Variants in BRD10 observed in about 807,000 individuals in gnomAD.
BRD10 encodes the protein bromodomain containing 10.
chr9:5,949,683 G>C, the BRD10 span, among the ~76,000 whole-genome samples: 2 of 152,102 alleles, frequency 1.3e-5, no homozygotes, highest in South Asian at 2.1e-4. Context: ...GCAGACTTAG[G>C]GTAACTAAGG....
chr9:5,886,562 C>T, the BRD10 span, among the ~76,000 whole-genome samples: 1 of 152,306 alleles, frequency 6.6e-6, no homozygotes, highest in South Asian at 2.1e-4. Flanking sequence ...GTCACACACA[C>T]TGAAGAGATG....
the BRD10 span, among the ~76,000 whole-genome samples, chr9:5,972,942 C>A: frequency 2.6e-5 from 4 of 151,724 alleles, no homozygotes; most frequent in Non-Finnish European, 4.4e-5. Context: ...AAAATATAGA[C>A]AAAAAGATAT....
the BRD10 span, among the ~76,000 whole-genome samples, chr9:5,927,348 C>G: frequency 6.6e-6 from 1 of 152,160 alleles, no homozygotes; most frequent in Non-Finnish European, 1.5e-5. Flanking sequence ...CCAAATGTCC[C>G]TTCCTTTACC....
At chr9:5,908,870 A>G in the BRD10 span, 3 of 610,712 alleles carry the variant, frequency 4.9e-6, no homozygotes, top group Non-Finnish European at 8.7e-6. Context: ...CGCTAGCAGT[A>G]CTAATCATGT....
the BRD10 span, among the ~76,000 whole-genome samples, chr9:5,918,350 G>A: frequency 1.3e-5 from 2 of 152,152 alleles, no homozygotes; most frequent in Admixed American, 6.5e-5. Context: ...ATGGAAGGAT[G>A]AGTATACAGT....
At chr9:5,987,283 A>G in the BRD10 span, among the ~76,000 whole-genome samples, 1 of 152,076 alleles carries the variant, frequency 6.6e-6, no homozygotes, top group Non-Finnish European at 1.5e-5. Context: ...AGTTCTATTA[A>G]TTGTTCTCAG....
chr9:5,957,089 C>T, the BRD10 span, among the ~76,000 whole-genome samples: 1 of 152,094 alleles, frequency 6.6e-6, no homozygotes, highest in Non-Finnish European at 1.5e-5. Context: ...AGAGTTTCAA[C>T]ATGACCTAGT....
the BRD10 span, chr9:5,922,939 G>C: frequency 6.2e-7 from 1 of 1,613,974 alleles, no homozygotes; most frequent in Non-Finnish European, 8.5e-7. Flanking sequence ...GATTTGTTAA[G>C]GTCACTTTAT....
the BRD10 span, among the ~76,000 whole-genome samples, chr9:5,913,309 C>T: frequency 6.6e-6 from 1 of 152,068 alleles, no homozygotes; most frequent in Non-Finnish European, 1.5e-5. Flanking sequence ...TGCAGACCTT[C>T]TCAAAAAAAG....
the BRD10 span, chr9:5,918,871 A>AT: frequency 6.6e-6 from 1 of 151,440 alleles, no homozygotes; most frequent in South Asian, 2.1e-4. Flanking sequence ...TGAAAGTAGT[A>AT]TTTGTAAGCT....
the BRD10 span, among the ~76,000 whole-genome samples, chr9:5,990,267 A>G: frequency 6.6e-6 from 1 of 152,202 alleles, no homozygotes; most frequent in Non-Finnish European, 1.5e-5. Context: ...TTTTAGTATA[A>G]TATTTTTAGT....
At chr9:5,917,262 G>A in the BRD10 span, among the ~76,000 whole-genome samples, 1 of 152,206 alleles carries the variant, frequency 6.6e-6, no homozygotes, top group Admixed American at 6.5e-5. Flanking sequence ...GGTATGACAA[G>A]GACAGGGAGT....
chr9:5,954,613 G>A, the BRD10 span, among the ~76,000 whole-genome samples: 45 of 151,982 alleles, frequency 3.0e-4, no homozygotes, highest in Admixed American at 2.1e-3. Flanking sequence ...TGCCCTTGGC[G>A]GTATCAATAC....
the BRD10 span, among the ~76,000 whole-genome samples, chr9:5,972,204 GAAGA>G: frequency 1.3e-5 from 2 of 152,058 alleles, no homozygotes; most frequent in Admixed American, 6.6e-5. Flanking sequence ...GGAGGGATAG[GAAGA>G]AAGAATCTGG....
At chr9:5,946,921 T>C in the BRD10 span, among the ~76,000 whole-genome samples, 1 of 152,124 alleles carries the variant, frequency 6.6e-6, no homozygotes, top group Non-Finnish European at 1.5e-5. Context: ...CAGATATTTA[T>C]GTTCCATTTA....
the BRD10 span, among the ~76,000 whole-genome samples, chr9:5,949,685 T>A: frequency 1.3e-5 from 2 of 152,238 alleles, no homozygotes; most frequent in South Asian, 4.1e-4. Flanking sequence ...AGACTTAGGG[T>A]AACTAAGGCT....
At chr9:5,963,582 G>C in the BRD10 span, among the ~76,000 whole-genome samples, 1 of 151,690 alleles carries the variant, frequency 6.6e-6, no homozygotes, top group African/African-American at 2.4e-5. Flanking sequence ...AACCAAAAAA[G>C]AGCCTGCATC....
the BRD10 span, among the ~76,000 whole-genome samples, chr9:5,965,609 T>C: frequency 2.6e-5 from 4 of 152,238 alleles, no homozygotes; most frequent in African/African-American, 9.6e-5. Context: ...CCACTGGGGA[T>C]GACTTAAACA....
At chr9:5,921,417 A>G in the BRD10 span, 1 of 1,613,958 alleles carries the variant, frequency 6.2e-7, no homozygotes, top group Non-Finnish European at 8.5e-7. Context: ...GTTTGTTTTA[A>G]TGATTCTGCA....
Sources: gnomAD v4.1 joint callset for allele counts (sites outside exome capture counted in the v4.1 genomes callset) on GRCh38, gnomAD v4.1.1 for gene constraint, MANE v1.5 for transcripts, NCBI Gene and HGNC (gene_info 2026-07-23, HGNC 2026-07-21) for gene names.